Variants in EYA4 observed in about 807,000 individuals in gnomAD.
EYA4 encodes the protein protein phosphatase EYA4.
Under a neutral mutation model 87.9 loss-of-function variants are expected in EYA4, and 31 were observed. The observed-to-expected ratio is 0.35, with a 90% confidence interval of 0.27 to 0.48. The LOEUF is 0.48. EYA4 is among the 20% of genes least tolerant of loss of function. EYA4 has a pLI of 0.99. For missense variants in EYA4, 678 were observed against 761.4 expected (o/e 0.89, Z 1.29); for synonymous variants, 263 against 270.6 (o/e 0.97, Z 0.28).
chr6:133,459,394 A>G (rs1260171468), intron 6 of EYA4, among the ~76,000 whole-genome samples: 1 of 152,084 alleles, frequency 6.6e-6, no homozygotes, highest in Non-Finnish European at 1.5e-5. Flanking sequence ...ATTTTGGTCT[A>G]TGTCTTATTT....
At chr6:133,273,039 T>C (rs1024969422) in intron 1 of EYA4, among the ~76,000 whole-genome samples, 1 of 149,570 alleles carries the variant, frequency 6.7e-6, no homozygotes, top group African/African-American at 2.5e-5. Context: ...CCACTCTTGT[T>C]ACCAAAATCT....
intron 3 of EYA4, among the ~76,000 whole-genome samples, chr6:133,385,395 G>C (rs1303550629): frequency 0.095 from 2,167 of 22,918 alleles, 35 homozygotes; most frequent in South Asian, 0.27. Flanking sequence ...CTCTCTCTGT[G>C]TGTGTGTGTG....
intron 2 of EYA4, among the ~76,000 whole-genome samples, chr6:133,353,849 C>T (rs1783816025): frequency 6.6e-6 from 1 of 152,124 alleles, no homozygotes; most frequent in African/African-American, 2.4e-5. Context: ...TGTGCGAGTT[C>T]ATTTCTGCCA....
rs1206976677 is a variant in EYA4 at position 133,447,232 on chromosome 6, C to T, written c.208+478C>T. Reference sequence around the variant, plus strand: ...AATACAAAAATACTCATATCTGCTGCATTTTCTTTTCAAAGAGAATAACAC... The same window carrying T: ...AATACAAAAATACTCATATCTGCTGTATTTTCTTTTCAAAGAGAATAACAC... On this transcript the variant is annotated intron_variant, in intron 4 of 19. Transcript: ENST00000355286. 1.3e-5 allele frequency among the ~76,000 whole-genome samples: 2 copies of T among 152,120 alleles called. 1 individual carries two copies. Among genetic ancestry groups the T allele is most frequent in the East Asian group, 3.9e-4 (2 of 5,184 alleles).
chr6:133,495,414 ATATAT>A (rs1490545668), intron 13 of EYA4, among the ~76,000 whole-genome samples: 1 of 148,472 alleles, frequency 6.7e-6, no homozygotes, highest in East Asian at 1.9e-4. Flanking sequence ...ATATAAAGAA[ATATAT>A]TCATTTATTT....
chr6:133,316,889 A>G (rs1043077783), intron 2 of EYA4, among the ~76,000 whole-genome samples: 1 of 152,146 alleles, frequency 6.6e-6, no homozygotes, highest in African/African-American at 2.4e-5. Flanking sequence ...CTAGTGGCTT[A>G]CTAGGACCTA....
At position 133,531,024 on chromosome 6, in the gene EYA4, T is replaced by C; in HGVS notation, c.*2219T>C. 7.3e-7 allele frequency: 1 copy of C among 1,377,008 alleles called. No homozygotes were observed. 85.3% of individuals were successfully genotyped at this position (1,377,008 alleles called of 1,614,324 possible). A position where few individuals can be genotyped will look rare whatever the true frequency, so the allele number is the denominator to read the frequency against. The stretch of plus-strand genomic sequence containing the variant: ...CTGTATAGCTGGTTTCTTTAAATGT[T>C]GATAGAATTGTGGCATTACATCTAA... On this transcript the variant is annotated 3_prime_UTR_variant, in exon 20 of 20. Transcript: ENST00000355286.
At chr6:133,460,715 G>A (rs1376148548) in intron 6 of EYA4, among the ~76,000 whole-genome samples, 3 of 152,002 alleles carry the variant, frequency 2.0e-5, no homozygotes, top group Non-Finnish European at 4.4e-5. Flanking sequence ...AGATATGGAG[G>A]AAGAGCAATA....
chr6:133,392,907 C>T (rs1787426676), intron 3 of EYA4, among the ~76,000 whole-genome samples: 1 of 152,130 alleles, frequency 6.6e-6, no homozygotes, highest in Non-Finnish European at 1.5e-5. Flanking sequence ...GTACAAAACT[C>T]GTTCTGGAGA....
chr6:133,468,802 A>T (rs1795075120), intron 11 of EYA4, 71 bp downstream of exon 11: 1 of 1,499,518 alleles, frequency 6.7e-7, no homozygotes, highest in East Asian at 2.3e-5. Flanking sequence ...GAAAGTGGAC[A>T]TTCCAAAAAC....
At chr6:133,470,015 A>C (rs913887529) in intron 11 of EYA4, among the ~76,000 whole-genome samples, 2 of 150,470 alleles carry the variant, frequency 1.3e-5, no homozygotes, top group East Asian at 2.0e-4. Flanking sequence ...AGTAGGTTGC[A>C]AAAATTTTCT....
intron 13 of EYA4, among the ~76,000 whole-genome samples, chr6:133,484,638 A>G (rs765948567): frequency 1.3e-5 from 2 of 152,242 alleles, no homozygotes; most frequent in African/African-American, 2.4e-5. Context: ...TTTCCAGACT[A>G]TAATCTGAAG....
intron 2 of EYA4, among the ~76,000 whole-genome samples, chr6:133,345,705 ATCTG>A (rs1783140448): frequency 6.6e-6 from 1 of 152,190 alleles, no homozygotes; most frequent in Non-Finnish European, 1.5e-5. Flanking sequence ...TAAATTGTTA[ATCTG>A]TCTGTTAACT....
intron 7 of EYA4, 95 bp from the exon 8 acceptor site, chr6:133,462,240 A>G: frequency 7.6e-7 from 1 of 1,310,392 alleles, no homozygotes; most frequent in South Asian, 1.2e-5. Flanking sequence ...AAAGAGGATT[A>G]CTTCCTGGAT....
chr6:133,498,559 G>A (rs1233914653), intron 13 of EYA4, among the ~76,000 whole-genome samples: 1 of 152,154 alleles, frequency 6.6e-6, no homozygotes, highest in Non-Finnish European at 1.5e-5. Flanking sequence ...CTCATAATAT[G>A]AGTCAGTCAG....
chr6:133,482,665 C>T (rs1237857450), intron 12 of EYA4, among the ~76,000 whole-genome samples: 3 of 152,102 alleles, frequency 2.0e-5, no homozygotes, highest in African/African-American at 7.2e-5. Flanking sequence ...AAATCTAATT[C>T]TTTGCAGAAA....
intron 3 of EYA4, among the ~76,000 whole-genome samples, chr6:133,383,603 C>CTTATAGTT: frequency 6.8e-6 from 1 of 147,254 alleles, no homozygotes; most frequent in Non-Finnish European, 1.5e-5. Context: ...GTATAGTCCA[C>CTTATAGTT]TTATAGTTTG....
At chr6:133,504,198 G>T (rs867753563) in intron 13 of EYA4, among the ~76,000 whole-genome samples, 1 of 152,188 alleles carries the variant, frequency 6.6e-6, no homozygotes, top group African/African-American at 2.4e-5. Flanking sequence ...GAACACAGGC[G>T]TGAGCCACTG....
intron 7 of EYA4, 53 bp downstream of exon 7, chr6:133,461,233 A>G (rs1794356730): frequency 8.2e-6 from 10 of 1,221,832 alleles, no homozygotes; most frequent in South Asian, 1.2e-5. Flanking sequence ...ATGTCTATAC[A>G]TGTTTTATAG....
Sources: gnomAD v4.1 joint callset for allele counts (sites outside exome capture counted in the v4.1 genomes callset) on GRCh38, gnomAD v4.1.1 for gene constraint, MANE v1.5 for transcripts, NCBI Gene and HGNC (gene_info 2026-07-23, HGNC 2026-07-21) for gene names.